The following FBN2 variants were observed in gnomAD, a reference collection of about 807,000 sequenced individuals.
FBN2 encodes the protein fibrillin-2.
In FBN2, 105 loss-of-function variants were observed where a neutral mutation model predicts 355.6. That is an observed-to-expected ratio of 0.30 (90% CI 0.25 to 0.35). The LOEUF (loss-of-function observed/expected upper bound fraction) is 0.35. Among genes scored for constraint, FBN2 ranks in the 10% least tolerant of loss-of-function variants. The pLI, the probability that FBN2 is intolerant of heterozygous loss-of-function variation, is 1.00. For missense variants in FBN2, 3,280 were observed against 3,758.7 expected (o/e 0.87, Z 3.33); for synonymous variants, 1,350 against 1,301.2 (o/e 1.04, Z -0.81).
intron 5 of FBN2, among the ~76,000 whole-genome samples, chr5:128,466,045 A>G (rs772173510): frequency 7.2e-5 from 11 of 152,212 alleles, no homozygotes; most frequent in Non-Finnish European, 1.2e-4. Flanking sequence ...ATTTACTTTC[A>G]GTGAAACTTT....
At chr5:128,455,996 A>ACAAAC (rs1336067574) in intron 6 of FBN2, among the ~76,000 whole-genome samples, 2 of 128,132 alleles carry the variant, frequency 1.6e-5, no homozygotes, top group Non-Finnish European at 3.3e-5. Context: ...GCAACAAAAA[A>ACAAAC]AAAAAAAAAA....
chr5:128,316,705 T>G (rs975145731), intron 36 of FBN2, among the ~76,000 whole-genome samples: 2 of 152,220 alleles, frequency 1.3e-5, no homozygotes, highest in African/African-American at 4.8e-5. Flanking sequence ...GTATATGAAG[T>G]GTAAAGTGGC....
rs777898673 is a variant in FBN2 at position 128,288,538 on chromosome 5, G to A, written c.6657C>T (p.Ile2219=). The part of the protein sequence containing the change: ...VRCVDTDECS[I]GNPCGNGTCT... ...ATGTACCATTTCCACACGGATTGCC[G>A]ATTGAACACTCATCAGTATCTGAAA... Residue 2219 remains isoleucine (I), a synonymous_variant, in exon 53 of 65, where the codon ATC becomes ATT. Coordinates refer to ENST00000262464, the MANE Select transcript of FBN2 (RefSeq NM_001999.4). The A allele has an allele frequency of 4.2e-5, 68 of 1,613,574 alleles. No individual in the cohort carries two copies. Among genetic ancestry groups the A allele is most frequent in the Non-Finnish European group, 5.3e-5 (63 of 1,179,832 alleles).
chr5:128,331,063 CAA>C (rs750119725), intron 32 of FBN2, among the ~76,000 whole-genome samples: 4 of 152,090 alleles, frequency 2.6e-5, no homozygotes, highest in Non-Finnish European at 5.9e-5. Context: ...GGAAAATTAA[CAA>C]AGAGTTTTTA....
intron 25 of FBN2, among the ~76,000 whole-genome samples, chr5:128,340,831 C>A (rs1034773142): frequency 4.8e-4 from 72 of 150,736 alleles, no homozygotes; most frequent in African/African-American, 1.7e-3. Flanking sequence ...CTCTCTCTCT[C>A]TCTCTATATA....
intron 7 of FBN2, among the ~76,000 whole-genome samples, chr5:128,437,868 T>C (rs752747481): frequency 2.0e-5 from 3 of 152,008 alleles, no homozygotes; most frequent in Admixed American, 6.6e-5. Context: ...AATAAATAAA[T>C]GAAAGCATCA....
Position 128,305,633 on chromosome 5 carries a change from A to G in FBN2, c.5552T>C (p.Ile1851Thr), listed in dbSNP as rs756045785. Residue 1851 changes from isoleucine to threonine, a missense_variant, in exon 44 of 65, where the codon ATA becomes ACA. Around this residue, in one of 6 missense-constraint regions of FBN2, gnomAD observed 2,284 missense variants for 2,749.5 expected, o/e 0.83. Coordinates refer to ENST00000262464, the MANE Select transcript of FBN2 (RefSeq NM_001999.4). ...ATTATCACCATTGCTGCACTCATCTATATCTGAAAGAGCAACAATTCCATT... is the reference window on the plus strand; with the variant it reads ...ATTATCACCATTGCTGCACTCATCTGTATCTGAAAGAGCAACAATTCCATT... ...YNDLLLVCEDIDECSNGDNLC... is the reference protein window; with the variant it reads ...YNDLLLVCEDTDECSNGDNLC... 15 of 1,614,028 alleles carry G rather than the reference A, an allele frequency of 9.3e-6. No homozygotes were observed. The highest frequency in any genetic ancestry group is 4.5e-5 in the East Asian group (2 of 44,874).
At chr5:128,263,999 TAGAG>T (rs1765051910) in intron 62 of FBN2, among the ~76,000 whole-genome samples, 1 of 152,106 alleles carries the variant, frequency 6.6e-6, no homozygotes, top group Non-Finnish European at 1.5e-5. Context: ...TCCTTAGAGA[TAGAG>T]AGAAAATTAG....
chr5:128,373,292 A>G (rs935071251), intron 15 of FBN2, among the ~76,000 whole-genome samples: 1 of 152,244 alleles, frequency 6.6e-6, no homozygotes, highest in Non-Finnish European at 1.5e-5. Context: ...AAGTAAATAT[A>G]TTAAAGCAAC....
intron 36 of FBN2, among the ~76,000 whole-genome samples, chr5:128,313,602 A>T (rs767658575): frequency 2.0e-5 from 3 of 151,948 alleles, no homozygotes; most frequent in African/African-American, 4.8e-5. Context: ...TTCCTTATTC[A>T]ATCCAGTAAT....
chr5:128,502,888 C>A (rs1316931433), intron 5 of FBN2, among the ~76,000 whole-genome samples: 4 of 152,176 alleles, frequency 2.6e-5, no homozygotes, highest in Non-Finnish European at 4.4e-5. Context: ...CTTTGTTCAA[C>A]ATAAATTTAG....
chr5:128,529,292 G>A (rs1022538198), intron 3 of FBN2, among the ~76,000 whole-genome samples: 1 of 152,014 alleles, frequency 6.6e-6, no homozygotes, highest in Non-Finnish European at 1.5e-5. Flanking sequence ...TTGAATGAAA[G>A]ACTGATGAAG....
chr5:128,437,290 T>A (rs543421096), intron 7 of FBN2, among the ~76,000 whole-genome samples: 3 of 152,322 alleles, frequency 2.0e-5, no homozygotes, highest in African/African-American at 7.2e-5. Context: ...CATAATGGAA[T>A]ATTGTATCCC....
At chr5:128,432,917 C>A (rs974808314) in intron 7 of FBN2, among the ~76,000 whole-genome samples, 1 of 151,704 alleles carries the variant, frequency 6.6e-6, no homozygotes, top group South Asian at 2.1e-4. Flanking sequence ...ACATTTTACA[C>A]GGCAGCAGGA....
intron 7 of FBN2, among the ~76,000 whole-genome samples, chr5:128,444,273 C>G (rs1255890136): frequency 6.6e-6 from 1 of 151,544 alleles, no homozygotes; most frequent in Non-Finnish European, 1.5e-5. Context: ...AGGGTTTCAC[C>G]TTGTTAGCCA....
At chr5:128,418,522 CAT>C (rs1753263776) in intron 7 of FBN2, among the ~76,000 whole-genome samples, 1 of 152,196 alleles carries the variant, frequency 6.6e-6, no homozygotes, top group African/African-American at 2.4e-5. Flanking sequence ...TGTTGTATAA[CAT>C]AGGTTTTGGT....
chr5:128,528,271 A>G (rs963039970), intron 3 of FBN2, among the ~76,000 whole-genome samples: 1 of 152,244 alleles, frequency 6.6e-6, no homozygotes, highest in South Asian at 2.1e-4. Flanking sequence ...CTCCATTCAG[A>G]ATGCAGGAGG....
At chr5:128,461,025 C>T (rs1754541008) in intron 6 of FBN2, among the ~76,000 whole-genome samples, 1 of 152,112 alleles carries the variant, frequency 6.6e-6, no homozygotes, top group African/African-American at 2.4e-5. Flanking sequence ...AACTAAAGAG[C>T]TTCTGCACAG....
At position 128,496,579 on chromosome 5, in the gene FBN2, C is replaced by T. The variant is rs562302499; in HGVS notation, c.628+22694G>A. Among the ~76,000 whole-genome samples the T allele has an allele frequency of 8.5e-5, 13 of 152,056 alleles. No homozygotes were observed. The South Asian group carries it at 1.5e-3, about 17-fold the overall frequency. Reference sequence around the variant, plus strand: ...TAATGGTGAAATACTTGTTACGTTCCGCGTAAGATCAGACTAGGACAAGGA... The same window carrying T: ...TAATGGTGAAATACTTGTTACGTTCTGCGTAAGATCAGACTAGGACAAGGA... On this transcript the variant is annotated intron_variant, in intron 5 of 64. Coordinates refer to ENST00000262464, the MANE Select transcript of FBN2 (RefSeq NM_001999.4).
Sources: gnomAD v4.1 joint callset for allele counts (sites outside exome capture counted in the v4.1 genomes callset) on GRCh38, gnomAD v4.1.1 for gene constraint, gnomAD v4.1.1 regional missense constraint, MANE v1.5 for transcripts, NCBI Gene and HGNC (gene_info 2026-07-23, HGNC 2026-07-21) for gene names.